The following C7 variants were observed in gnomAD, a reference collection of about 807,000 sequenced individuals.
The protein encoded by C7 is complement C7, also known as complement component C7.
A neutral mutation model predicts 104.8 loss-of-function variants in C7; 83 were observed. The observed-to-expected ratio is 0.79, with a 90% confidence interval of 0.66 to 0.95. The LOEUF is 0.95. C7 is among the 40% of genes least tolerant of loss of function. The pLI, the probability that C7 is intolerant of heterozygous loss-of-function variation, is 0.00. For missense variants in C7, 1,070 were observed against 1,011.2 expected (o/e 1.06, Z -0.79); for synonymous variants, 415 against 360.6 (o/e 1.15, Z -1.71).
Position 40,937,391 on chromosome 5 carries a change from G to A in C7, c.429-161G>A, listed in dbSNP as rs543337061. ...CTGGATAATGTATGGTGTGTATTAGGATGCTGTGCTCTTCATTTGAACTCT... is the reference window on the plus strand; with the variant it reads ...CTGGATAATGTATGGTGTGTATTAGAATGCTGTGCTCTTCATTTGAACTCT... On this transcript the variant is annotated intron_variant, in intron 5 of 17. Transcript: ENST00000313164. 271 of 575,718 alleles carry A rather than the reference G, an allele frequency of 4.7e-4. No homozygotes were observed. In the Middle Eastern group the frequency reaches 0.014, roughly 29 times the overall value. 35.7% of individuals were successfully genotyped at this position (575,718 alleles called of 1,614,324 possible).
chr5:40,932,831 C>T (rs1405755636), intron 3 of C7, among the ~76,000 whole-genome samples: 1 of 151,904 alleles, frequency 6.6e-6, no homozygotes, highest in African/African-American at 2.4e-5. Flanking sequence ...GCAATGGATA[C>T]ATCCTAGATT....
intron 7 of C7, among the ~76,000 whole-genome samples, chr5:40,947,180 A>G (rs1462678653): frequency 2.0e-5 from 3 of 149,716 alleles, no homozygotes; most frequent in Non-Finnish European, 4.4e-5. Context: ...GCTCACTTCA[A>G]TCACTGCCTC....
At chr5:40,912,385 G>A (rs1409117488) in intron 1 of C7, among the ~76,000 whole-genome samples, 1 of 152,100 alleles carries the variant, frequency 6.6e-6, no homozygotes, top group East Asian at 1.9e-4. Flanking sequence ...TTTAAAAAAT[G>A]CTTTTAAATT....
chr5:40,945,917 TA>T, intron 7 of C7, among the ~76,000 whole-genome samples: 1 of 146,952 alleles, frequency 6.8e-6, no homozygotes, highest in South Asian at 2.1e-4. Context: ...TATGTATATT[TA>T]GTTATAGTTT....
At chr5:40,946,234 T>C (rs963110683) in intron 7 of C7, among the ~76,000 whole-genome samples, 1 of 152,174 alleles carries the variant, frequency 6.6e-6, no homozygotes, top group African/African-American at 2.4e-5. Flanking sequence ...ACTTCATTGT[T>C]TTGAAATACT....
intron 2 of C7, among the ~76,000 whole-genome samples, chr5:40,930,043 C>A (rs962712132): frequency 6.6e-6 from 1 of 152,076 alleles, no homozygotes. Context: ...TTTTCACCTA[C>A]CCTCTTAACT....
At chr5:40,924,989 A>T (rs556985738) in intron 1 of C7, among the ~76,000 whole-genome samples, 1 of 152,096 alleles carries the variant, frequency 6.6e-6, no homozygotes, top group East Asian at 1.9e-4. Context: ...GGCTATTAAC[A>T]CTTGGCTTCC....
intron 14 of C7, among the ~76,000 whole-genome samples, chr5:40,970,522 G>A (rs1376868994): frequency 6.6e-6 from 1 of 152,158 alleles, no homozygotes; most frequent in Non-Finnish European, 1.5e-5. Flanking sequence ...TGGGTGTGGT[G>A]GCATGTGCCT....
chr5:40,936,994 G>T (rs1393753424), intron 5 of C7, among the ~76,000 whole-genome samples: 2 of 152,050 alleles, frequency 1.3e-5, no homozygotes, highest in Non-Finnish European at 2.9e-5. Flanking sequence ...CGTTATCAAA[G>T]AGAATTCTGA....
At chr5:40,933,052 G>A (rs1051356494) in intron 3 of C7, among the ~76,000 whole-genome samples, 6 of 152,026 alleles carry the variant, frequency 3.9e-5, no homozygotes, top group Non-Finnish European at 8.8e-5. Flanking sequence ...ACACATGAGC[G>A]GTATCTTCAT....
Position 40,937,675 on chromosome 5 carries a change from G to GT in C7, c.553dup (p.Ser185PhefsTer10). On this transcript the variant is annotated frameshift_variant, in exon 6 of 18. Transcript: ENST00000313164. LOFTEE classifies it high-confidence loss of function. ...TCTACAGGCTGAGTGGAAATGTCCT[G>GT]TCCTATACATTCCAGGTACTTACGA... is the stretch of plus-strand genomic sequence containing the variant. The GT allele has an allele frequency of 6.3e-7, 1 of 1,590,802 alleles. No homozygotes were observed. Among genetic ancestry groups the GT allele is most frequent in the African/African-American group, 1.3e-5 (1 of 74,616 alleles).
intron 14 of C7, among the ~76,000 whole-genome samples, chr5:40,969,477 C>T (rs1178707501): frequency 6.6e-6 from 1 of 152,104 alleles, no homozygotes; most frequent in Non-Finnish European, 1.5e-5. Context: ...GAATGTCAGA[C>T]TTTACGTATG....
intron 13 of C7, among the ~76,000 whole-genome samples, chr5:40,962,885 G>A (rs324060): frequency 0.11 from 16,093 of 152,128 alleles, 998 homozygotes; most frequent in East Asian, 0.18. Context: ...TCAAACCCCA[G>A]GCCCTTGAAC....
At chr5:40,969,598 C>T (rs770847699) in intron 14 of C7, among the ~76,000 whole-genome samples, 2 of 152,114 alleles carry the variant, frequency 1.3e-5, no homozygotes, top group African/African-American at 2.4e-5. Context: ...AAGGATGTGG[C>T]CATTAAGGGA....
intron 9 of C7, among the ~76,000 whole-genome samples, chr5:40,951,344 T>C (rs1414168832): frequency 2.6e-5 from 4 of 152,226 alleles, no homozygotes; most frequent in Admixed American, 2.0e-4. Flanking sequence ...ATAGTTTCCT[T>C]TGCTGTGCAG....
intron 3 of C7, among the ~76,000 whole-genome samples, chr5:40,932,016 C>T (rs1027637543): frequency 3.9e-5 from 6 of 152,186 alleles, no homozygotes; most frequent in Non-Finnish European, 8.8e-5. Flanking sequence ...CCTCGGCCTT[C>T]CAAAGTGCTG....
At chr5:40,973,986 A>T (rs1345722434) in intron 15 of C7, among the ~76,000 whole-genome samples, 1 of 152,160 alleles carries the variant, frequency 6.6e-6, no homozygotes, top group East Asian at 1.9e-4. Context: ...AAAATCCAAG[A>T]CTTACCAGCT....
At chr5:40,936,119 C>A (rs1028637405) in intron 4 of C7, among the ~76,000 whole-genome samples, 19 of 152,056 alleles carry the variant, frequency 1.2e-4, no homozygotes, top group African/African-American at 4.3e-4. Context: ...ATCCTATTTT[C>A]AATTTTGTGT....
chr5:40,942,544 T>A (rs1739961517), intron 6 of C7, among the ~76,000 whole-genome samples: 1 of 152,150 alleles, frequency 6.6e-6, no homozygotes, highest in African/African-American at 2.4e-5. Context: ...GGTAAGATCA[T>A]CTTCTGAGAG....
Sources: gnomAD v4.1 joint callset for allele counts (sites outside exome capture counted in the v4.1 genomes callset) on GRCh38, gnomAD v4.1.1 for gene constraint, MANE v1.5 for transcripts, NCBI Gene and HGNC (gene_info 2026-07-23, HGNC 2026-07-21) for gene names.